The following STAU2 variants were observed in gnomAD, a reference collection of about 807,000 sequenced individuals.
STAU2 encodes the protein staufen double-stranded RNA binding protein 2.
Under a neutral mutation model 65.9 loss-of-function variants are expected in STAU2, and 20 were observed. The ratio of observed to expected loss-of-function variants is 0.30; its 90% CI spans 0.21 to 0.44. The LOEUF is 0.44. STAU2 is among the 20% of genes least tolerant of loss of function. STAU2 has a pLI of 1.00. For synonymous variants in STAU2, 232 were observed against 233.9 expected (o/e 0.99, Z 0.07); for missense variants, 558 against 683.9 (o/e 0.82, Z 2.05).
At chr8:73,743,837 T>C (rs1807074317) in intron 1 of STAU2, among the ~76,000 whole-genome samples, 1 of 149,318 alleles carries the variant, frequency 6.7e-6, no homozygotes, top group South Asian at 2.1e-4. Flanking sequence ...AATGGCGCCA[T>C]CTCAGCTCAC....
intron 5 of STAU2, among the ~76,000 whole-genome samples, chr8:73,677,078 A>T (rs1465315938): frequency 4.6e-5 from 7 of 152,246 alleles, no homozygotes; most frequent in Non-Finnish European, 8.8e-5. Context: ...CATTCCAACC[A>T]GCACTTTACA....
At chr8:73,655,889 T>C (rs931465248) in intron 6 of STAU2, among the ~76,000 whole-genome samples, 10 of 151,286 alleles carry the variant, frequency 6.6e-5, no homozygotes, top group Middle Eastern at 3.4e-3. Context: ...ACCTCGTGAT[T>C]CGCCCGCCTC....
intron 6 of STAU2, among the ~76,000 whole-genome samples, chr8:73,654,918 C>T (rs1586203438): frequency 6.6e-6 from 1 of 152,158 alleles, no homozygotes; most frequent in East Asian, 1.9e-4. Context: ...ATCTCCTGAC[C>T]TCGTGATCTG....
intron 13 of STAU2, among the ~76,000 whole-genome samples, chr8:73,531,979 T>C (rs567397544): frequency 2.0e-5 from 3 of 152,122 alleles, no homozygotes; most frequent in Admixed American, 2.0e-4. Context: ...AAACCAACAA[T>C]AAAATCCTAA....
At chr8:73,693,899 T>G (rs1819527671) in intron 4 of STAU2, among the ~76,000 whole-genome samples, 2 of 152,214 alleles carry the variant, frequency 1.3e-5, no homozygotes, top group Admixed American at 6.5e-5. Flanking sequence ...ACACCCCCAC[T>G]TGAAAGTCAG....
intron 13 of STAU2, among the ~76,000 whole-genome samples, chr8:73,456,370 C>T (rs764488428): frequency 5.9e-5 from 9 of 152,116 alleles, no homozygotes; most frequent in Non-Finnish European, 1.2e-4. Flanking sequence ...TCTCATCTTC[C>T]ATTACATGGA....
intron 13 of STAU2, among the ~76,000 whole-genome samples, chr8:73,522,945 C>T (rs1823118262): frequency 6.6e-6 from 1 of 152,060 alleles, no homozygotes; most frequent in African/African-American, 2.4e-5. Context: ...CACCTGTAAT[C>T]CTAGCACTTT....
At chr8:73,513,520 A>G (rs909791322) in intron 13 of STAU2, among the ~76,000 whole-genome samples, 1 of 152,110 alleles carries the variant, frequency 6.6e-6, no homozygotes, top group African/African-American at 2.4e-5. Flanking sequence ...TTCTCTGCAT[A>G]TGTGCAGATT....
chr8:73,737,418 G>A (rs1309837775), intron 3 of STAU2, among the ~76,000 whole-genome samples: 15 of 152,050 alleles, frequency 9.9e-5, no homozygotes, highest in African/African-American at 3.1e-4. Context: ...TGATCTGCCC[G>A]CCTTGGCCTC....
intron 13 of STAU2, among the ~76,000 whole-genome samples, chr8:73,474,718 A>C (rs747065385): frequency 3.3e-5 from 5 of 152,166 alleles, no homozygotes; most frequent in Non-Finnish European, 7.4e-5. Flanking sequence ...TATACAGCTT[A>C]TTTTTATTTA....
intron 12 of STAU2, among the ~76,000 whole-genome samples, chr8:73,554,953 T>C (rs1807615716): frequency 1.3e-5 from 2 of 152,216 alleles, no homozygotes; most frequent in African/African-American, 4.8e-5. Flanking sequence ...ATTTCTATTG[T>C]TCGGTTACAC....
chr8:73,436,987 A>T (rs1817752676), intron 13 of STAU2, among the ~76,000 whole-genome samples: 1 of 152,212 alleles, frequency 6.6e-6, no homozygotes, highest in Non-Finnish European at 1.5e-5. Flanking sequence ...ACACCTAACA[A>T]TATTAACTCT....
chr8:73,605,246 T>C (rs1422881293), intron 9 of STAU2, among the ~76,000 whole-genome samples: 1 of 151,352 alleles, frequency 6.6e-6, no homozygotes, highest in Non-Finnish European at 1.5e-5. Flanking sequence ...ATCATGTTCA[T>C]CGATCAGAAG....
chr8:73,551,073 C>G (rs1807302172), intron 13 of STAU2: 1 of 987,050 alleles, frequency 1.0e-6, no homozygotes, highest in Admixed American at 6.1e-5. Flanking sequence ...AAGCAATACA[C>G]TCTCTACACA....
intron 13 of STAU2, among the ~76,000 whole-genome samples, chr8:73,432,528 CTG>C (rs920462032): frequency 2.6e-5 from 4 of 152,134 alleles, no homozygotes; most frequent in African/African-American, 4.8e-5. Context: ...TAATTAAATA[CTG>C]TGTCTCTTTT....
At chr8:73,493,908 GA>G (rs1166721060) in intron 13 of STAU2, among the ~76,000 whole-genome samples, 1 of 151,758 alleles carries the variant, frequency 6.6e-6, no homozygotes, top group Non-Finnish European at 1.5e-5. Flanking sequence ...AGCAAAGAAA[GA>G]AACAAATTAT....
At chr8:73,547,625 T>C (rs372949267) in intron 13 of STAU2, among the ~76,000 whole-genome samples, 1 of 152,286 alleles carries the variant, frequency 6.6e-6, no homozygotes, top group South Asian at 2.1e-4. Flanking sequence ...TGGAAGGTAG[T>C]AGAGGTCAAA....
At chr8:73,679,887 TA>T (rs1363821688) in intron 5 of STAU2, among the ~76,000 whole-genome samples, 46 of 117,276 alleles carry the variant, frequency 3.9e-4, no homozygotes, top group Admixed American at 5.4e-4. Flanking sequence ...AGACTCCACC[TA>T]AAAAAAAAAA....
intron 11 of STAU2, among the ~76,000 whole-genome samples, chr8:73,586,864 G>A (rs1361590926): frequency 1.3e-5 from 2 of 151,496 alleles, no homozygotes; most frequent in African/African-American, 2.4e-5. Flanking sequence ...AGAAAGAGGG[G>A]GAGAAAAGAA....
Sources: gnomAD v4.1 joint callset for allele counts (sites outside exome capture counted in the v4.1 genomes callset) on GRCh38, gnomAD v4.1.1 for gene constraint, MANE v1.5 for transcripts, NCBI Gene and HGNC (gene_info 2026-07-23, HGNC 2026-07-21) for gene names.